The following ERI3 variants were observed in gnomAD, a reference collection of about 807,000 sequenced individuals.
ERI3 encodes the protein ERI1 exoribonuclease family member 3.
A neutral mutation model predicts 44.4 loss-of-function variants in ERI3; 18 were observed. The observed-to-expected ratio is 0.41, with a 90% CI of 0.28 to 0.60. The LOEUF (loss-of-function observed/expected upper bound fraction) is 0.60, where lower values mean the gene tolerates loss of function less well. Ranked by LOEUF, ERI3 falls within the 20% of genes least tolerant of loss-of-function variation. The probability of loss-of-function intolerance (pLI) is 0.36; values close to 1 mark genes in which losing one functional copy is unlikely to be tolerated. For missense variants in ERI3, 294 were observed against 435.5 expected (o/e 0.68, Z 2.89); for synonymous variants, 183 against 164.8 (o/e 1.11, Z -0.84).
At chr1:44,353,943 C>T (rs1646946254) in intron 1 of ERI3, 1 of 985,234 alleles carries the variant, frequency 1.0e-6, no homozygotes, top group Admixed American at 6.1e-5. Context: ...ATCACAGACA[C>T]ACATTAGTGG....
chr1:44,350,520 C>T (rs1646867304), intron 2 of ERI3, among the ~76,000 whole-genome samples: 1 of 152,190 alleles, frequency 6.6e-6, no homozygotes, highest in Non-Finnish European at 1.5e-5. Flanking sequence ...CCTCGGCCTC[C>T]CAAAGTGCTG....
chr1:44,324,117 T>C (rs150698900), intron 3 of ERI3, among the ~76,000 whole-genome samples: 110 of 152,334 alleles, frequency 7.2e-4, no homozygotes, highest in African/African-American at 2.6e-3. Flanking sequence ...CAGTGTGATC[T>C]CCAGCACCTA....
chr1:44,229,796 C>G (rs185350207), intron 8 of ERI3, among the ~76,000 whole-genome samples: 5 of 152,266 alleles, frequency 3.3e-5, no homozygotes, highest in African/African-American at 1.2e-4. Context: ...TGCTTGGGCC[C>G]TAGCTCTGGC....
At position 44,247,962 on chromosome 1, in the gene ERI3, A is replaced by G. The variant is rs1644589988; in HGVS notation, c.908T>C (p.Ile303Thr). Residue 303 changes from isoleucine to threonine, a missense_variant, in exon 8 of 9, where the codon ATA (isoleucine) becomes ACA (threonine). This residue lies in a region of ERI3 where 187 missense variants were observed against 338.6 expected (regional missense o/e 0.55). Transcript: ENST00000372257. Reference protein sequence around the residue: ...DMNKGLSLQHIGRPHSGIDDC... With the variant: ...DMNKGLSLQHTGRPHSGIDDC... Reference sequence around the variant, plus strand: ...ACCAATGCCGCTGTGGGGCCGGCCTATGTGTTGCAGGCTGAGGCCCTTGTT... The same window carrying G: ...ACCAATGCCGCTGTGGGGCCGGCCTGTGTGTTGCAGGCTGAGGCCCTTGTT... The G allele has an allele frequency of 3.1e-6, 5 of 1,612,478 alleles. No individual in the cohort carries two copies. Among genetic ancestry groups the G allele is most frequent in the Non-Finnish European group, 4.2e-6 (5 of 1,179,362 alleles).
At chr1:44,247,039 G>T (rs1384483713) in intron 8 of ERI3, among the ~76,000 whole-genome samples, 2 of 152,138 alleles carry the variant, frequency 1.3e-5, no homozygotes, top group African/African-American at 4.8e-5. Flanking sequence ...GCACACATGT[G>T]CATATGCAAA....
chr1:44,275,920 G>A (rs1049625057), intron 7 of ERI3, among the ~76,000 whole-genome samples: 21 of 152,124 alleles, frequency 1.4e-4, no homozygotes, highest in Admixed American at 7.2e-4. Context: ...TTAAAAAATC[G>A]TTTGTTTGGC....
intron 5 of ERI3, among the ~76,000 whole-genome samples, chr1:44,310,971 A>C (rs3927127): frequency 1.0e-5 from 1 of 99,178 alleles, no homozygotes; most frequent in Non-Finnish European, 2.2e-5. Context: ...GCGCACACAC[A>C]CACACACACA....
intron 3 of ERI3, among the ~76,000 whole-genome samples, chr1:44,327,985 G>C (rs983426189): frequency 1.3e-5 from 2 of 152,328 alleles, no homozygotes; most frequent in African/African-American, 4.8e-5. Flanking sequence ...ACTTGGCCAG[G>C]AGCCAGGGAA....
intron 6 of ERI3, among the ~76,000 whole-genome samples, chr1:44,307,867 A>T (rs1645872832): frequency 6.6e-6 from 1 of 152,202 alleles, no homozygotes; most frequent in African/African-American, 2.4e-5. Flanking sequence ...TAAATTACTT[A>T]ACCTTTCTGT....
chr1:44,283,441 C>A (rs1375421065), intron 7 of ERI3, among the ~76,000 whole-genome samples: 1 of 152,212 alleles, frequency 6.6e-6, no homozygotes, highest in Non-Finnish European at 1.5e-5. Context: ...GACTGCTGGG[C>A]TTCTCAGCAG....
chr1:44,238,033 C>G (rs2154317003), intron 8 of ERI3, among the ~76,000 whole-genome samples: 2 of 152,302 alleles, frequency 1.3e-5, no homozygotes, highest in Middle Eastern at 6.8e-3. Context: ...CCTCCTCGGC[C>G]CTACGCGGCC....
At chr1:44,321,091 A>G (rs1409512925) in intron 3 of ERI3, among the ~76,000 whole-genome samples, 3 of 152,218 alleles carry the variant, frequency 2.0e-5, no homozygotes, top group Non-Finnish European at 2.9e-5. Context: ...GGAAAACACA[A>G]GGAGAAATGG....
intron 3 of ERI3, among the ~76,000 whole-genome samples, chr1:44,328,351 C>A (rs953906058): frequency 6.6e-6 from 1 of 151,942 alleles, no homozygotes; most frequent in Middle Eastern, 3.2e-3. Context: ...CAGCTGTTGT[C>A]AAACCAGTCC....
chr1:44,335,958 T>C (rs994661214), intron 3 of ERI3, among the ~76,000 whole-genome samples: 3 of 152,214 alleles, frequency 2.0e-5, no homozygotes, highest in Non-Finnish European at 2.9e-5. Context: ...TTTAAACTTC[T>C]TTCTTTTTTG....
At chr1:44,280,401 C>A (rs964660199) in intron 7 of ERI3, among the ~76,000 whole-genome samples, 1 of 152,172 alleles carries the variant, frequency 6.6e-6, no homozygotes, top group Non-Finnish European at 1.5e-5. Context: ...TCAGTTCAAT[C>A]GAAGTAATTA....
At chr1:44,260,649 T>A (rs977682865) in intron 7 of ERI3, among the ~76,000 whole-genome samples, 1 of 152,144 alleles carries the variant, frequency 6.6e-6, no homozygotes, top group African/African-American at 2.4e-5. Context: ...TGGGTCTCAG[T>A]TTCTTCACTG....
intron 3 of ERI3, among the ~76,000 whole-genome samples, chr1:44,323,645 G>A (rs541348029): frequency 5.3e-5 from 8 of 152,276 alleles, no homozygotes; most frequent in Admixed American, 2.0e-4. Flanking sequence ...AAATGCAATC[G>A]TTTTATTCCA....
chr1:44,245,366 G>C (rs1014313155), intron 8 of ERI3, among the ~76,000 whole-genome samples: 8 of 152,242 alleles, frequency 5.3e-5, no homozygotes, highest in Non-Finnish European at 1.0e-4. Flanking sequence ...AGACTACAAA[G>C]ACCAAGTGTC....
intron 5 of ERI3, among the ~76,000 whole-genome samples, chr1:44,309,429 A>G (rs796460290): frequency 1.1e-4 from 16 of 152,174 alleles, no homozygotes; most frequent in African/African-American, 3.9e-4. Context: ...TGGGAGGTGG[A>G]GGTTGCAGTG....
Sources: allele counts gnomAD v4.1 joint callset (sites outside exome capture counted in the v4.1 genomes callset), GRCh38; gene constraint gnomAD v4.1.1; regional missense constraint gnomAD v4.1.1; transcripts MANE v1.5; gene names NCBI Gene and HGNC (gene_info 2026-07-23, HGNC 2026-07-21).